The following APBA1 variants were observed in gnomAD, a reference collection of about 807,000 sequenced individuals.
The protein encoded by APBA1 is amyloid beta precursor protein binding family A member 1.
In APBA1, 55 loss-of-function variants were observed where a neutral mutation model predicts 86.6. The observed-to-expected ratio is 0.64, with a 90% CI of 0.51 to 0.80. The LOEUF (loss-of-function observed/expected upper bound fraction) is 0.80. Ranked by LOEUF, APBA1 falls within the 30% of genes least tolerant of loss-of-function variation. APBA1 has a pLI of 0.00. For synonymous variants in APBA1, 511 were observed against 493.9 expected, an observed-to-expected ratio of 1.03 and a Z score of -0.46; for missense variants, 1,090 against 1,183.0, an observed-to-expected ratio of 0.92 and a Z score of 1.15.
Position 69,516,427 on chromosome 9 carries a change from C to A in APBA1, c.784G>T (p.Asp262Tyr). 1 of 1,604,974 alleles carries A rather than the reference C, an allele frequency of 6.2e-7. No homozygotes were observed. The highest frequency in any genetic ancestry group is 8.5e-7 in the Non-Finnish European group (1 of 1,178,716). ...ATGTCCTCCTCCTGCTCGTAGCTGT[C>A]CATGCGCGGGTAGGGCGCGAACTCG... ...EAEFAPYPRM[D>Y]SYEQEEDIDQ... Residue 262 changes from aspartate (D) to tyrosine (Y), a missense_variant, in exon 2 of 13, where the codon GAC (aspartate) becomes TAC (tyrosine). By Grantham distance (160) the Asp-to-Tyr change is radical. Coordinates refer to ENST00000265381, the MANE Select transcript of APBA1 (RefSeq NM_001163.4). The surrounding 1 kb of genome is among the most constrained non-coding windows in gnomAD (Gnocchi z 7.3).
chr9:69,645,532 A>ACTTG (rs1162828970), intron 1 of APBA1, among the ~76,000 whole-genome samples: 1 of 152,188 alleles, frequency 6.6e-6, no homozygotes, highest in Non-Finnish European at 1.5e-5. Context: ...AAAGCTAGAG[A>ACTTG]CTTGCTTGCC....
intron 1 of APBA1, among the ~76,000 whole-genome samples, chr9:69,668,314 C>A (rs890049947): frequency 2.0e-5 from 3 of 152,120 alleles, no homozygotes; most frequent in African/African-American, 7.2e-5. Context: ...GAAAATGACC[C>A]AACTGCTCTC....
chr9:69,543,836 A>G (rs1482546041), intron 1 of APBA1, among the ~76,000 whole-genome samples: 2 of 152,176 alleles, frequency 1.3e-5, no homozygotes, highest in Non-Finnish European at 2.9e-5. Context: ...AATGTCTGAA[A>G]TTTCCCTGCT....
At chr9:69,483,157 C>CAAAAAAAAAAAAAAAAAAAAA (rs1192992471) in intron 2 of APBA1, among the ~76,000 whole-genome samples, 1 of 73,370 alleles carries the variant, frequency 1.4e-5, no homozygotes, top group Non-Finnish European at 3.2e-5. Context: ...AAAAACGAAA[C>CAAAAAAAAAAAAAAAAAAAAA]AAAAAAAAAA....
At chr9:69,637,004 C>T (rs985920060) in intron 1 of APBA1, among the ~76,000 whole-genome samples, 2 of 151,192 alleles carry the variant, frequency 1.3e-5, no homozygotes, top group African/African-American at 4.9e-5. Flanking sequence ...TACATATACA[C>T]AGTGGAGTAC....
chr9:69,621,698 T>C (rs1361187306), intron 1 of APBA1, among the ~76,000 whole-genome samples: 1 of 7,080 alleles, frequency 1.4e-4, no homozygotes, highest in Non-Finnish European at 7.1e-3. Flanking sequence ...CAAGTACTTA[T>C]TAATAGAACA....
chr9:69,517,001 C>T lies in APBA1; in HGVS notation c.210G>A (p.Glu70=). 6.3e-7 allele frequency: 1 copy of T among 1,578,728 alleles called. No homozygotes were observed. Among genetic ancestry groups the T allele is most frequent in the Non-Finnish European group, 8.6e-7 (1 of 1,169,182 alleles). Residue 70 remains glutamate (E), a synonymous_variant, in exon 2 of 13, where the codon GAG becomes GAA. Transcript: ENST00000265381. ...LRAQLGQEEE[E]RGECLARSAS... ...CTGAGCGCGCCAGGCATTCCCCGCG[C>T]TCCTCTTCCTCCTGGCCGAGCTGGG...
At chr9:69,606,158 ATCAG>A (rs1271098825) in intron 1 of APBA1, among the ~76,000 whole-genome samples, 6 of 152,264 alleles carry the variant, frequency 3.9e-5, no homozygotes, top group South Asian at 2.1e-4. Flanking sequence ...CCTCAAGAAT[ATCAG>A]TGCAGCCAAA....
intron 9 of APBA1, among the ~76,000 whole-genome samples, chr9:69,450,539 G>A (rs529425265): frequency 2.1e-4 from 32 of 152,276 alleles, no homozygotes; most frequent in African/African-American, 7.5e-4. Context: ...TTCACAGGTT[G>A]GTGTCTGCTT....
chr9:69,546,215 G>A (rs1836695227), intron 1 of APBA1, among the ~76,000 whole-genome samples: 1 of 152,118 alleles, frequency 6.6e-6, no homozygotes, highest in Admixed American at 6.5e-5. Flanking sequence ...TGCCTTTCAG[G>A]CTAACCCATG....
chr9:69,592,497 G>A (rs1822149963), intron 1 of APBA1, among the ~76,000 whole-genome samples: 2 of 152,340 alleles, frequency 1.3e-5, no homozygotes, highest in South Asian at 4.1e-4. Context: ...TTGGGAGGCT[G>A]AGACGGGTGG....
chr9:69,581,800 A>G (rs781029207), intron 1 of APBA1, among the ~76,000 whole-genome samples: 1 of 152,062 alleles, frequency 6.6e-6, no homozygotes, highest in Non-Finnish European at 1.5e-5. Context: ...TCAGCTGCTG[A>G]GCTGAGTTTT....
chr9:69,600,930 G>T (rs1055850399), intron 1 of APBA1, among the ~76,000 whole-genome samples: 1 of 151,718 alleles, frequency 6.6e-6, no homozygotes, highest in Non-Finnish European at 1.5e-5. Flanking sequence ...TAAATAAACA[G>T]CATAACATAC....
intron 1 of APBA1, among the ~76,000 whole-genome samples, chr9:69,560,562 A>G (rs529595821): frequency 7.9e-5 from 12 of 152,314 alleles, no homozygotes; most frequent in African/African-American, 2.6e-4. Context: ...ACCTCACAGC[A>G]TTGTTGTAAA....
chr9:69,524,381 G>A (rs146688995), intron 1 of APBA1, among the ~76,000 whole-genome samples: 285 of 151,816 alleles, frequency 1.9e-3, no homozygotes, highest in African/African-American at 6.6e-3. Flanking sequence ...AAATACAATC[G>A]GAAATGACAA....
At chr9:69,431,894 A>G (rs59531223) in intron 12 of APBA1, among the ~76,000 whole-genome samples, 1 of 152,174 alleles carries the variant, frequency 6.6e-6, no homozygotes, top group Non-Finnish European at 1.5e-5. Flanking sequence ...GACAGCAGTG[A>G]TGACTGACAG....
In APBA1 at chr9:69,512,761, A is replaced by G. The variant is rs1046751760; in HGVS notation, c.1200+3250T>C. 4.6e-5 allele frequency among the ~76,000 whole-genome samples: 7 copies of G among 152,198 alleles called. No individual in the cohort carries two copies. The East Asian group carries it at 1.3e-3, about 29-fold the overall frequency. ...AGTTTACAAAACAAAATAAAATAAA[A>G]TGAAACAACCAGATCACTGAGACCC... On this transcript the variant is annotated intron_variant, in intron 2 of 12. Transcript: ENST00000265381.
chr9:69,477,190 T>G (rs1455716320), intron 2 of APBA1, among the ~76,000 whole-genome samples: 1 of 151,830 alleles, frequency 6.6e-6, no homozygotes, highest in Non-Finnish European at 1.5e-5. Context: ...GGGTGATTTC[T>G]GCATTTCCAT....
intron 1 of APBA1, among the ~76,000 whole-genome samples, chr9:69,600,242 C>G (rs184879420): frequency 2.8e-4 from 42 of 152,316 alleles, no homozygotes; most frequent in African/African-American, 1.0e-3. Flanking sequence ...TTTCCGCTGA[C>G]TATGGTGATG....
Sources: allele counts gnomAD v4.1 joint callset (sites outside exome capture counted in the v4.1 genomes callset), GRCh38; gene constraint gnomAD v4.1.1; non-coding constraint Gnocchi (gnomAD v3.1); transcripts MANE v1.5; gene names NCBI Gene and HGNC (gene_info 2026-07-23, HGNC 2026-07-21).